PLA2G4E: variants seen among roughly 807,000 people sequenced by gnomAD.
The protein encoded by PLA2G4E is phospholipase A2 group IVE, also known as cytosolic phospholipase A2 epsilon.
PLA2G4E carries 84 observed loss-of-function variants against 109.1 expected under a neutral mutation model. The observed-to-expected ratio is 0.77, with a 90% CI of 0.65 to 0.92. The LOEUF (loss-of-function observed/expected upper bound fraction) is 0.92. Among genes scored for constraint, PLA2G4E ranks in the 40% least tolerant of loss-of-function variants. The probability of loss-of-function intolerance (pLI) is 0.00; values close to 1 mark genes in which losing one functional copy is unlikely to be tolerated. For missense variants in PLA2G4E, 1,057 were observed against 1,076.6 expected (o/e 0.98, Z 0.25); for synonymous variants, 469 against 436.1 (o/e 1.08, Z -0.94).
exon 7 of PLA2G4E, chr15:42,001,170 C>A: frequency 1.9e-6 from 3 of 1,613,634 alleles, no homozygotes; most frequent in South Asian, 1.1e-5. Context: ...TCTCCCTCTT[C>A]CTCCGCCTCC....
chr15:41,996,371 A>AAAAAAAAAG (rs1317435408), intron 11 of PLA2G4E, among the ~76,000 whole-genome samples: 4 of 148,524 alleles, frequency 2.7e-5, no homozygotes, highest in African/African-American at 9.8e-5. Context: ...AAAAAAAAAA[A>AAAAAAAAAG]AAAAAAAAGG....
intron 2 of PLA2G4E, chr15:42,010,141 C>CCCG (rs1555387029): frequency 8.2e-6 from 4 of 486,054 alleles, no homozygotes; most frequent in South Asian, 1.8e-5. Flanking sequence ...GGCCCCCCCA[C>CCCG]CCCGGGCCTG....
intron 18 of PLA2G4E, among the ~76,000 whole-genome samples, chr15:41,985,396 C>A (rs1595554899): frequency 1.3e-5 from 2 of 152,324 alleles, no homozygotes; most frequent in East Asian, 3.9e-4. Context: ...AAGTGCCCTC[C>A]TCTCTCGCCA....
At chr15:42,010,382 A>G (rs2068524372) in intron 2 of PLA2G4E, 1 of 267,326 alleles carries the variant, frequency 3.7e-6, no homozygotes, top group African/African-American at 2.3e-5. Context: ...TGTCTAGTTA[A>G]GATAAAGAAA....
chr15:41,997,093 G>T lies in PLA2G4E; in HGVS notation c.1110+31C>A, dbSNP rs1486883977. 3.9e-6 allele frequency: 6 copies of T among 1,536,488 alleles called. No homozygotes were observed. The South Asian group carries it at 6.2e-5, about 16-fold the overall frequency. On this transcript the variant is annotated intron_variant, in intron 11 of 19. Transcript: ENST00000399518. Reference sequence around the variant, plus strand: ...GCATGGTGCTGGAAGGACCAGCTGGGCCCAGGCTGGCCACATCCCTGATTA... The same window carrying T: ...GCATGGTGCTGGAAGGACCAGCTGGTCCCAGGCTGGCCACATCCCTGATTA...
rs535583483 is a variant in PLA2G4E, at chr15:42,000,634, C to T, written c.674-352G>A. Among the ~76,000 whole-genome samples the T allele has an allele frequency of 5.9e-5, 9 of 152,314 alleles. No homozygotes were observed. The East Asian group carries it at 9.6e-4, about 16-fold the overall frequency. Reference sequence around the variant, plus strand: ...CGCACACTGTCGCTTTTGATGTAGACGCCTCTTCTGTCCTCCCTCCCTCCC... The same window carrying T: ...CGCACACTGTCGCTTTTGATGTAGATGCCTCTTCTGTCCTCCCTCCCTCCC... On this transcript the variant is annotated intron_variant, in intron 7 of 19. Coordinates refer to ENST00000399518, the Ensembl canonical transcript of PLA2G4E.
At chr15:41,983,537 TCTAGTGGGTATAAAAC>T (rs1305310751) in exon 20 of PLA2G4E, 8 of 573,498 alleles carry the variant, frequency 1.4e-5, no homozygotes, top group Non-Finnish European at 2.5e-5. Context: ...TTGAAGAAAC[TCTAGTGGGTATAAAAC>T]CCCAACAGAG....
chr15:42,028,391 A>ATTTCTTTCTTTC (rs532198139), intron 1 of PLA2G4E, among the ~76,000 whole-genome samples: 3 of 26,404 alleles, frequency 1.1e-4, no homozygotes, highest in South Asian at 1.8e-3. Context: ...TTACTTATTT[A>ATTTCTTTCTTTC]TTTATTTATT....
At chr15:42,019,958 T>G (rs1007763647) in intron 1 of PLA2G4E, among the ~76,000 whole-genome samples, 2 of 152,228 alleles carry the variant, frequency 1.3e-5, no homozygotes, top group Non-Finnish European at 2.9e-5. Context: ...GGAAGACCTC[T>G]CCTGGCCCAA....
At chr15:41,989,703 C>G (rs2068211475) in intron 14 of PLA2G4E, among the ~76,000 whole-genome samples, 151 bp from the exon 15 acceptor site, 1 of 152,160 alleles carries the variant, frequency 6.6e-6, no homozygotes, top group Non-Finnish European at 1.5e-5. Flanking sequence ...ATGGGGGCAC[C>G]CTTGGCCAGC....
At chr15:41,984,647 G>A (rs1249845952) in intron 18 of PLA2G4E, 28 bp from the exon 19 acceptor site, 1 of 1,532,250 alleles carries the variant, frequency 6.5e-7, no homozygotes, top group South Asian at 1.3e-5. Flanking sequence ...GCGTGTTTGA[G>A]CATTAGGAGG....
chr15:42,037,925 G>T lies in PLA2G4E; in HGVS notation c.183+12596C>A, dbSNP rs548345557. Among the ~76,000 whole-genome samples the T allele has an allele frequency of 1.6e-3, 247 of 152,320 alleles. 2 individuals carry two copies. Among genetic ancestry groups the T allele is most frequent in the African/African-American group, 2.9e-3 (121 of 41,576 alleles). ...GCTCTATGCAGTCTCCCTTGGCAGGGATCCAGGCTGGTAGTGTGAGCTGAG... is the reference window on the plus strand; with the variant it reads ...GCTCTATGCAGTCTCCCTTGGCAGGTATCCAGGCTGGTAGTGTGAGCTGAG... On this transcript the variant is annotated intron_variant, in intron 1 of 19. Coordinates refer to ENST00000399518, the Ensembl canonical transcript of PLA2G4E.
At chr15:42,013,066 A>G (rs1431954195) in intron 2 of PLA2G4E, among the ~76,000 whole-genome samples, 2 of 152,204 alleles carry the variant, frequency 1.3e-5, no homozygotes, top group African/African-American at 2.4e-5. Context: ...GAAATGCAGC[A>G]GGCTCTGGGA....
chr15:42,039,546 T>C (rs1889278084), intron 1 of PLA2G4E, among the ~76,000 whole-genome samples: 2 of 152,090 alleles, frequency 1.3e-5, no homozygotes, highest in South Asian at 4.1e-4. Flanking sequence ...CGTATATATA[T>C]ATATGAATAC....
intron 16 of PLA2G4E, 105 bp from the exon 17 acceptor site, chr15:41,987,480 A>C: frequency 9.5e-7 from 1 of 1,053,204 alleles, no homozygotes. Flanking sequence ...TGAGCACTGT[A>C]AAAGCAGCTC....
intron 12 of PLA2G4E, 105 bp downstream of exon 12, chr15:41,995,255 G>A: frequency 7.0e-7 from 1 of 1,429,046 alleles, no homozygotes; most frequent in Non-Finnish European, 9.5e-7. Context: ...GGCTTCAGGA[G>A]TCACTTTGTC....
At chr15:42,021,145 G>A (rs2068645035) in intron 1 of PLA2G4E, among the ~76,000 whole-genome samples, 103 bp from the exon 1 acceptor site, 1 of 151,904 alleles carries the variant, frequency 6.6e-6, no homozygotes, top group African/African-American at 2.4e-5. Flanking sequence ...TGGTTTGAGT[G>A]GGTAGACAGA....
intron 1 of PLA2G4E, among the ~76,000 whole-genome samples, chr15:42,025,571 A>G (rs750925202): frequency 4.8e-4 from 73 of 152,042 alleles, no homozygotes; most frequent in African/African-American, 1.6e-3. Context: ...TTAAGGCCCA[A>G]TGTTTTACTG....
rs181176241 is a variant in PLA2G4E, at chr15:41,992,671, T to G, written c.1470+66A>C. The G allele has an allele frequency of 5.3e-3, 7,084 of 1,345,600 alleles. 307 individuals carry two copies. In the African/African-American group the frequency reaches 0.092, roughly 18 times the overall value. The allele number at this position is 1,345,600 out of a possible 1,614,324, so 83.4% of individuals were successfully genotyped here. A position where few individuals can be genotyped will look rare whatever the true frequency, so the allele number is the denominator to read the frequency against. On this transcript the variant is annotated intron_variant, in intron 13 of 19. Coordinates refer to ENST00000399518, the Ensembl canonical transcript of PLA2G4E. ...TGTGCAATGGAAGTCCTGACTCCCC[T>G]GAGGAAGAAAGAGAGCCAGGCATCA...
Sources: gnomAD v4.1 joint callset for allele counts (sites outside exome capture counted in the v4.1 genomes callset) on GRCh38, gnomAD v4.1.1 for gene constraint, MANE v1.5 for transcripts, NCBI Gene and HGNC (gene_info 2026-07-23, HGNC 2026-07-21) for gene names.